CADM2: variants seen among roughly 807,000 people sequenced by gnomAD.
CADM2 encodes immunoglobulin superfamily member 4D.
A neutral mutation model predicts 49.8 loss-of-function variants in CADM2; 12 were observed. That is an observed-to-expected ratio of 0.24 (90% confidence interval 0.15 to 0.39). The LOEUF (loss-of-function observed/expected upper bound fraction) is 0.39. Among genes scored for constraint, CADM2 ranks in the 10% least tolerant of loss-of-function variants. CADM2 has a pLI of 1.00. For missense variants in CADM2, 378 were observed against 492.3 expected, an observed-to-expected ratio of 0.77 and a Z score of 2.20; for synonymous variants, 214 against 175.4, an observed-to-expected ratio of 1.22 and a Z score of -1.74.
intron 2 of CADM2, among the ~76,000 whole-genome samples, chr3:85,797,763 G>A (rs1239327652): frequency 6.6e-6 from 1 of 152,080 alleles, no homozygotes; most frequent in East Asian, 1.9e-4. Flanking sequence ...ATAATCCTTT[G>A]GGTATATACC....
At chr3:85,864,200 T>G (rs541055406) in intron 3 of CADM2, among the ~76,000 whole-genome samples, 54 of 152,350 alleles carry the variant, frequency 3.5e-4, no homozygotes, top group African/African-American at 1.2e-3. Context: ...TTCTTTAAGA[T>G]AGTTATAAGC....
intron 1 of CADM2, among the ~76,000 whole-genome samples, chr3:85,228,618 A>C (rs2042214345): frequency 6.6e-6 from 1 of 151,846 alleles, no homozygotes; most frequent in South Asian, 2.1e-4. Context: ...CCCCCTCCAC[A>C]CTGTGTTTGC....
chr3:85,388,958 T>C (rs532493536), intron 1 of CADM2, among the ~76,000 whole-genome samples: 1 of 152,262 alleles, frequency 6.6e-6, no homozygotes, highest in South Asian at 2.1e-4. Flanking sequence ...CTAGACCATC[T>C]GGGGGTATTG....
intron 1 of CADM2, among the ~76,000 whole-genome samples, chr3:85,138,523 G>A (rs1043002537): frequency 6.6e-6 from 1 of 152,104 alleles, no homozygotes; most frequent in East Asian, 1.9e-4. Context: ...ATCTAAGAAG[G>A]TATTTTTCTT....
At chr3:85,075,888 A>G (rs1282863353) in intron 1 of CADM2, among the ~76,000 whole-genome samples, 1 of 152,190 alleles carries the variant, frequency 6.6e-6, no homozygotes, top group Non-Finnish European at 1.5e-5. Flanking sequence ...CCATTAGATA[A>G]CAACACTGAG....
intron 1 of CADM2, among the ~76,000 whole-genome samples, chr3:85,154,332 G>A (rs1166396692): frequency 2.6e-5 from 4 of 152,068 alleles, no homozygotes; most frequent in Non-Finnish European, 5.9e-5. Context: ...TGGAAGAAAG[G>A]GTATCAGCGA....
intron 1 of CADM2, among the ~76,000 whole-genome samples, chr3:85,501,325 C>G (rs2040107625): frequency 6.6e-6 from 1 of 152,174 alleles, no homozygotes; most frequent in South Asian, 2.1e-4. Context: ...CAGAATGACA[C>G]TTAAGCCTTA....
intron 1 of CADM2, among the ~76,000 whole-genome samples, chr3:85,229,858 A>C (rs2042248243): frequency 6.6e-6 from 1 of 152,128 alleles, no homozygotes; most frequent in Non-Finnish European, 1.5e-5. Context: ...AACATTAATG[A>C]CTACATTTTG....
At chr3:85,525,558 C>T (rs2061142028) in intron 1 of CADM2, among the ~76,000 whole-genome samples, 1 of 152,056 alleles carries the variant, frequency 6.6e-6, no homozygotes, top group Non-Finnish European at 1.5e-5. Flanking sequence ...TCCTTGGAGG[C>T]AGCATATAGT....
chr3:85,864,777 C>T (rs2075662774), intron 3 of CADM2, among the ~76,000 whole-genome samples: 1 of 152,172 alleles, frequency 6.6e-6, no homozygotes, highest in Admixed American at 6.5e-5. Flanking sequence ...ATCTTAAACA[C>T]ACTTTAGATT....
At chr3:86,002,382 T>A (rs1427691847) in intron 8 of CADM2, among the ~76,000 whole-genome samples, 1 of 152,178 alleles carries the variant, frequency 6.6e-6, no homozygotes, top group Non-Finnish European at 1.5e-5. Flanking sequence ...GCCATATATG[T>A]TAATATAGTA....
intron 1 of CADM2, among the ~76,000 whole-genome samples, chr3:84,962,139 C>T (rs1223634987): frequency 8.8e-6 from 1 of 113,474 alleles, no homozygotes; most frequent in African/African-American, 3.3e-5. Context: ...AGCATTAGGT[C>T]CAATAAATAA....
intron 1 of CADM2, among the ~76,000 whole-genome samples, chr3:85,265,736 A>G (rs186090256): frequency 6.6e-6 from 1 of 152,144 alleles, no homozygotes; most frequent in African/African-American, 2.4e-5. Context: ...TTCTAAAGAG[A>G]CATTTCAAAA....
chr3:85,821,204 A>C (rs545951541), intron 3 of CADM2, among the ~76,000 whole-genome samples: 40 of 152,284 alleles, frequency 2.6e-4, no homozygotes, highest in African/African-American at 9.4e-4. Context: ...GTTCAGCCTC[A>C]GAATCCCAGA....
chr3:85,463,215 C>T (rs1210608993), intron 1 of CADM2, among the ~76,000 whole-genome samples: 1 of 152,116 alleles, frequency 6.6e-6, no homozygotes, highest in Non-Finnish European at 1.5e-5. Context: ...GAGTTACCCT[C>T]GTTTCATAGG....
chr3:85,406,379 A>G (rs1288866773), intron 1 of CADM2, among the ~76,000 whole-genome samples: 9 of 152,210 alleles, frequency 5.9e-5, no homozygotes, highest in Non-Finnish European at 1.3e-4. Flanking sequence ...ATAAAATTAC[A>G]GAGCCGTTGC....
chr3:85,047,766 C>A (rs1218193351), intron 1 of CADM2, among the ~76,000 whole-genome samples: 1 of 152,132 alleles, frequency 6.6e-6, no homozygotes, highest in African/African-American at 2.4e-5. Context: ...CATAAAGTCA[C>A]TCATATCTCA....
chr3:86,068,297 C>G lies in CADM2; in HGVS notation c.*1514C>G, dbSNP rs555276823. On this transcript the variant is annotated 3_prime_UTR_variant, in exon 10 of 10. Coordinates refer to ENST00000383699, the MANE Select transcript of CADM2 (RefSeq NM_001167675.2). ...AAATATGAAACAGTTAATCTAAAGT[C>G]TTATTATTTCTTCTAGTAAAATAAA... The G allele has an allele frequency of 2.6e-5, 4 of 152,076 alleles. No homozygotes were observed. In the South Asian group the frequency reaches 8.3e-4, roughly 32 times the overall value. The allele number at this position is 152,076 out of a possible 1,614,324, so 9.4% of individuals were successfully genotyped here. A position where few individuals can be genotyped will look rare whatever the true frequency, so the allele number is the denominator to read the frequency against.
chr3:85,167,744 T>A (rs1559699821), intron 1 of CADM2, among the ~76,000 whole-genome samples: 1 of 152,194 alleles, frequency 6.6e-6, no homozygotes, highest in Admixed American at 6.5e-5. Context: ...CAAAAAAACT[T>A]CCTTATCATA....
Sources: gnomAD v4.1 joint callset for allele counts (sites outside exome capture counted in the v4.1 genomes callset) on GRCh38, gnomAD v4.1.1 for gene constraint, MANE v1.5 for transcripts, NCBI Gene and HGNC (gene_info 2026-07-23, HGNC 2026-07-21) for gene names.